ADAP2: variants seen among roughly 807,000 people sequenced by gnomAD.
The protein encoded by ADAP2 is arf-GAP with dual PH domain-containing protein 2.
ADAP2 carries 42 observed loss-of-function variants against 54.9 expected under a neutral mutation model. That is an observed-to-expected ratio of 0.77 (90% confidence interval 0.60 to 0.99). The LOEUF is 0.99. Ranked by LOEUF, ADAP2 falls within the 50% of genes least tolerant of loss-of-function variation. ADAP2 has a pLI of 0.00. For synonymous variants in ADAP2, 177 were observed against 180.1 expected (o/e 0.98, Z 0.14); for missense variants, 429 against 480.4 (o/e 0.89, Z 1.00).
At chr17:30,946,515 G>A (rs958324992) in intron 6 of ADAP2, among the ~76,000 whole-genome samples, 11 of 152,066 alleles carry the variant, frequency 7.2e-5, no homozygotes, top group African/African-American at 2.2e-4. Flanking sequence ...TACTGCGCCC[G>A]GCTGAGAAGC....
rs1910758717 is a variant in ADAP2 at position 30,923,058 on chromosome 17, C to T, written c.213C>T (p.Asp71=). Residue 71 remains aspartate, a synonymous_variant, in exon 2 of 11, where the codon GAC becomes GAT. Transcript: ENST00000330889. The part of the protein sequence containing the change: ...VKSVRLDFWD[D]SIVEFMIHNG... ...CTGTGCGACTTGACTTCTGGGACGA[C>T]AGTATTGTGGAGGTAGAAAGGCATG... The T allele has an allele frequency of 3.7e-6, 6 of 1,613,660 alleles. No homozygotes were observed. The highest frequency in any genetic ancestry group is 3.3e-5 in the Admixed American group (2 of 59,962).
At position 30,956,245 on chromosome 17, in the gene ADAP2, C is replaced by A. The variant is rs957406369; in HGVS notation, c.887C>A (p.Ala296Asp). 2 of 1,613,990 alleles carry A rather than the reference C, an allele frequency of 1.2e-6. No individual in the cohort carries two copies. The highest frequency in any genetic ancestry group is 2.2e-5 in the East Asian group (1 of 44,888). The change falls in exon 10 of 11, where the codon GCC becomes GAC. Residue 296 changes from alanine (A) to aspartate (D), a missense_variant. Physicochemically the swap from Ala to Asp is moderately radical, Grantham distance 126. Coordinates refer to ENST00000330889, the MANE Select transcript of ADAP2 (RefSeq NM_018404.3). ...CCCTGTACTCTCCATTTTCAGGATG[C>A]CTTCGAGCAGGGCCAGGTTTTTCTT... ...RLLYYKNPLD[A>D]FEQGQVFLGN...
intron 6 of ADAP2, among the ~76,000 whole-genome samples, chr17:30,946,400 G>GTAGA (rs1166514489): frequency 6.6e-6 from 1 of 151,920 alleles, no homozygotes; most frequent in Non-Finnish European, 1.5e-5. Flanking sequence ...TGTATTTTTA[G>GTAGA]TAGACACAGA....
intron 1 of ADAP2, 82 bp from the exon 2 acceptor site, chr17:30,922,858 A>C (rs1427826483): frequency 2.0e-6 from 3 of 1,498,470 alleles, no homozygotes; most frequent in Non-Finnish European, 2.7e-6. Context: ...GGGGCGCCCC[A>C]CCTGCCCCAG....
intron 7 of ADAP2, 61 bp downstream of exon 7, chr17:30,949,431 T>C (rs1904427963): frequency 1.3e-6 from 2 of 1,489,160 alleles, no homozygotes; most frequent in African/African-American, 2.8e-5. Context: ...TCTTTCCCTG[T>C]CTGTTGACCT....
At chr17:30,934,877 T>C (rs1911758303) in intron 5 of ADAP2, among the ~76,000 whole-genome samples, 3 of 150,966 alleles carry the variant, frequency 2.0e-5, no homozygotes, top group Non-Finnish European at 4.4e-5. Flanking sequence ...CTACAAAAAA[T>C]ACAAAAATTA....
chr17:30,951,876 C>T (rs754227436), intron 7 of ADAP2, among the ~76,000 whole-genome samples: 2 of 147,372 alleles, frequency 1.4e-5, no homozygotes, highest in Admixed American at 6.8e-5. Context: ...AGGATGGTCT[C>T]GATCTCCTGA....
chr17:30,953,162 A>G, intron 7 of ADAP2, 126 bp from the exon 8 acceptor site: 2 of 775,894 alleles, frequency 2.6e-6, no homozygotes, highest in Non-Finnish European at 4.4e-6. Flanking sequence ...TCCAAATATA[A>G]TACTGTGAGC....
At chr17:30,942,493 T>G (rs1354184511) in intron 5 of ADAP2, among the ~76,000 whole-genome samples, 1 of 152,176 alleles carries the variant, frequency 6.6e-6, no homozygotes, top group Admixed American at 6.5e-5. Flanking sequence ...TTTCTAAGCA[T>G]ACGCTGTGAC....
chr17:30,956,590 C>T (rs562722040), intron 10 of ADAP2, 121 bp downstream of exon 10: 4 of 915,696 alleles, frequency 4.4e-6, no homozygotes, highest in Non-Finnish European at 5.0e-6. Flanking sequence ...ATGCTCTTTT[C>T]ATTGTCTTCT....
chr17:30,952,511 G>C (rs978770490), intron 7 of ADAP2, among the ~76,000 whole-genome samples: 2 of 152,172 alleles, frequency 1.3e-5, no homozygotes, highest in Non-Finnish European at 2.9e-5. Flanking sequence ...GAGTAGCTGG[G>C]ATTACAAGCG....
intron 10 of ADAP2, 92 bp downstream of exon 10, chr17:30,956,561 A>G: frequency 8.9e-7 from 1 of 1,124,710 alleles, no homozygotes; most frequent in East Asian, 2.6e-5. Flanking sequence ...ATACCACAAA[A>G]GATTCCTGAT....
intron 6 of ADAP2, 52 bp from the exon 7 acceptor site, chr17:30,949,235 C>A: frequency 6.6e-7 from 1 of 1,520,852 alleles, no homozygotes; most frequent in South Asian, 1.1e-5. Flanking sequence ...GGTAGCTTCC[C>A]ACCCACCCCA....
At chr17:30,940,260 G>T (rs1912171780) in intron 5 of ADAP2, among the ~76,000 whole-genome samples, 1 of 151,496 alleles carries the variant, frequency 6.6e-6, no homozygotes, top group African/African-American at 2.4e-5. Flanking sequence ...ACCACGCCTG[G>T]CCTTTTTTTT....
chr17:30,951,777 TCC>T (rs770258967), intron 7 of ADAP2, among the ~76,000 whole-genome samples: 16 of 149,616 alleles, frequency 1.1e-4, no homozygotes, highest in Non-Finnish European at 2.1e-4. Context: ...TGCCTCAGCC[TCC>T]CGAGTAGCTG....
At position 30,934,269 on chromosome 17, in the gene ADAP2, G is replaced by A. The variant is rs776098038; in HGVS notation, c.482G>A (p.Gly161Asp). ...RRKFVLLARE[G>D]LLKYFTKEQG... ...AAGTTTGTACTTCTGGCAAGAGAAG[G>A]CCTCCTGAAGTACTTCACAAAGGAA... is the stretch of plus-strand genomic sequence containing the variant. Residue 161 changes from glycine (G) to aspartate (D), a missense_variant, in exon 5 of 11, where the codon GGC becomes GAC. Physicochemically the swap from Gly to Asp is moderately conservative, Grantham distance 94 (BLOSUM62 -1). Transcript: ENST00000330889. The A allele has an allele frequency of 4.3e-6, 7 of 1,613,806 alleles. No individual in the cohort carries two copies. The highest frequency in any genetic ancestry group is 2.2e-5 in the South Asian group (2 of 91,078).
intron 1 of ADAP2, 87 bp from the exon 2 acceptor site, chr17:30,922,853 G>A: frequency 1.4e-6 from 2 of 1,450,056 alleles, no homozygotes; most frequent in East Asian, 4.7e-5. Flanking sequence ...GAGAAGGGGC[G>A]CCCCACCTGC....
At chr17:30,945,105 G>A (rs772303540) in intron 6 of ADAP2, 52 bp downstream of exon 6, 1 of 1,595,444 alleles carries the variant, frequency 6.3e-7, no homozygotes, top group Admixed American at 1.7e-5. Flanking sequence ...CCCAGGACTT[G>A]GCAGGTGCAG....
chr17:30,956,788 C>G (rs1040320882), intron 10 of ADAP2: 24 of 356,474 alleles, frequency 6.7e-5, no homozygotes, highest in African/African-American at 4.3e-4. Flanking sequence ...CTCCACCGTG[C>G]TCTATGCTGA....
Sources: allele counts gnomAD v4.1 joint callset (sites outside exome capture counted in the v4.1 genomes callset), GRCh38; gene constraint gnomAD v4.1.1; transcripts MANE v1.5; gene names NCBI Gene and HGNC (gene_info 2026-07-23, HGNC 2026-07-21).